The following ZNF148 variants were observed in gnomAD, a reference collection of about 807,000 sequenced individuals.
ZNF148 encodes Beta-Enolase Repressor Factor-1.
In ZNF148, 7 loss-of-function variants were observed where a neutral mutation model predicts 67.7. That is an observed-to-expected ratio of 0.10 (90% CI 0.06 to 0.19). ZNF148 has a LOEUF of 0.19. ZNF148 is among the 10% of genes least tolerant of loss of function. The pLI, the probability that ZNF148 is intolerant of heterozygous loss-of-function variation, is 1.00. For synonymous variants in ZNF148, 333 were observed against 330.7 expected (o/e 1.01, Z -0.08); for missense variants, 583 against 947.1 (o/e 0.62, Z 5.05).
intron 1 of ZNF148, among the ~76,000 whole-genome samples, chr3:125,367,888 C>A (rs1444229395): frequency 6.6e-6 from 1 of 152,150 alleles, no homozygotes; most frequent in African/African-American, 2.4e-5. Flanking sequence ...TTTCAGGGGG[C>A]TCAACATCTA....
At chr3:125,252,013 T>C (rs1176561967) in intron 7 of ZNF148, among the ~76,000 whole-genome samples, 1 of 152,190 alleles carries the variant, frequency 6.6e-6, no homozygotes, top group Non-Finnish European at 1.5e-5. Flanking sequence ...GAGTACAGTT[T>C]TATGTAATTT....
chr3:125,314,896 A>G (rs1940409551), intron 3 of ZNF148: 1 of 152,122 alleles, frequency 6.6e-6, no homozygotes, highest in South Asian at 2.1e-4. Context: ...CATCTCTACA[A>G]AATAAAAATA....
chr3:125,300,959 G>GT (rs5852454), intron 4 of ZNF148, among the ~76,000 whole-genome samples: 120,003 of 151,986 alleles, frequency 0.79, 48,190 homozygotes, highest in African/African-American at 0.92. Flanking sequence ...AAGCCAAATA[G>GT]TTTTTTTAAT....
At chr3:125,256,977 T>G (rs1380521143) in intron 7 of ZNF148, among the ~76,000 whole-genome samples, 22 of 151,268 alleles carry the variant, frequency 1.5e-4, no homozygotes, top group African/African-American at 5.1e-4. Context: ...GTTTTTTTTT[T>G]TTTTTTTTTT....
At chr3:125,322,156 A>C (rs1301505485) in intron 3 of ZNF148, among the ~76,000 whole-genome samples, 1 of 149,332 alleles carries the variant, frequency 6.7e-6, no homozygotes, top group Non-Finnish European at 1.5e-5. Context: ...CAGCCTCCCG[A>C]GTAGCCGGGA....
chr3:125,336,010 C>T (rs138781097), intron 1 of ZNF148, among the ~76,000 whole-genome samples: 4 of 152,242 alleles, frequency 2.6e-5, no homozygotes, highest in African/African-American at 7.2e-5. Flanking sequence ...TAAATAAAAC[C>T]TTAATGTTAC....
intron 6 of ZNF148, among the ~76,000 whole-genome samples, chr3:125,278,559 T>A (rs1001023795): frequency 6.6e-6 from 1 of 152,140 alleles, no homozygotes; most frequent in African/African-American, 2.4e-5. Context: ...TCTATCCTCC[T>A]AGGGCACTGG....
chr3:125,365,508 A>G (rs1171571976), intron 1 of ZNF148, among the ~76,000 whole-genome samples: 1 of 152,184 alleles, frequency 6.6e-6, no homozygotes, highest in African/African-American at 2.4e-5. Context: ...TGCCATTTGA[A>G]TATTTCTACA....
chr3:125,247,604 A>AT (rs1936659091), intron 7 of ZNF148, among the ~76,000 whole-genome samples: 1 of 151,886 alleles, frequency 6.6e-6, no homozygotes, highest in Non-Finnish European at 1.5e-5. Flanking sequence ...GGCCAGGCTA[A>AT]TTTTTTTGTA....
chr3:125,280,511 G>A (rs1288134145), intron 5 of ZNF148, among the ~76,000 whole-genome samples: 3 of 151,536 alleles, frequency 2.0e-5, no homozygotes, highest in East Asian at 1.9e-4. Context: ...AGGAAACCCC[G>A]TCTCCACTAA....
At chr3:125,344,292 GC>G in intron 1 of ZNF148, 1 of 443,956 alleles carries the variant, frequency 2.3e-6, no homozygotes. Flanking sequence ...ATGAAGTGAA[GC>G]CCCCATGACC....
intron 7 of ZNF148, among the ~76,000 whole-genome samples, chr3:125,266,211 C>T (rs965550752): frequency 2.0e-5 from 3 of 152,050 alleles, no homozygotes; most frequent in Non-Finnish European, 2.9e-5. Context: ...ATTTCTCACT[C>T]GACCAACTGG....
chr3:125,355,930 C>G (rs1942326074), intron 1 of ZNF148, among the ~76,000 whole-genome samples: 2 of 152,130 alleles, frequency 1.3e-5, no homozygotes, highest in Non-Finnish European at 1.5e-5. Flanking sequence ...ACGTTTTCAA[C>G]AGAGATTAAT....
At chr3:125,242,629 TCAAAAA>T (rs1340888415) in intron 7 of ZNF148, among the ~76,000 whole-genome samples, 1 of 152,074 alleles carries the variant, frequency 6.6e-6, no homozygotes, top group Non-Finnish European at 1.5e-5. Flanking sequence ...GACTCTTGTC[TCAAAAA>T]CAAAAACAAA....
chr3:125,312,489 C>A (rs71325828), intron 4 of ZNF148, among the ~76,000 whole-genome samples: 1 of 152,130 alleles, frequency 6.6e-6, no homozygotes, highest in African/African-American at 2.4e-5. Flanking sequence ...AGAGAAGCAT[C>A]GTACAAGTAA....
At chr3:125,263,322 G>A (rs1050499697) in intron 7 of ZNF148, among the ~76,000 whole-genome samples, 6 of 152,172 alleles carry the variant, frequency 3.9e-5, no homozygotes, top group South Asian at 2.1e-4. Flanking sequence ...AAGCCAAGAC[G>A]GGTGGGTCAT....
chr3:125,319,816 T>C (rs1365665729), intron 3 of ZNF148, among the ~76,000 whole-genome samples: 2 of 152,212 alleles, frequency 1.3e-5, no homozygotes, highest in Non-Finnish European at 2.9e-5. Context: ...AAACCAGACT[T>C]ACCTGACTCA....
intron 1 of ZNF148, chr3:125,344,869 G>A (rs995959752): frequency 6.8e-5 from 18 of 263,082 alleles, no homozygotes; most frequent in Non-Finnish European, 2.9e-5. Context: ...AAGTGGGGCA[G>A]TGGCCTGGAT....
At position 125,317,662 on chromosome 3, in the gene ZNF148, T is replaced by TAGAGAGAGAGAG. The variant is rs1553708261; in HGVS notation, c.-16-4018_-16-4007dup. On this transcript the variant is annotated intron_variant, in intron 3 of 8. Coordinates refer to ENST00000360647, the MANE Select transcript of ZNF148 (RefSeq NM_021964.3). ...GATCTTTTATATATATATATATATA[T>TAGAGAGAGAGAG]AGAGAGAGAGAGAGAGAAATACATA... Among the ~76,000 whole-genome samples the TAGAGAGAGAGAG allele has an allele frequency of 2.1e-3, 188 of 90,042 alleles. 2 individuals carry two copies. Among genetic ancestry groups the TAGAGAGAGAGAG allele is most frequent in the African/African-American group, 7.4e-3 (163 of 22,168 alleles). 59.1% of individuals were successfully genotyped at this position (90,042 alleles called of 152,430 possible). A position where few individuals can be genotyped will look rare whatever the true frequency, so the allele number is the denominator to read the frequency against.
Sources: allele counts gnomAD v4.1 joint callset (sites outside exome capture counted in the v4.1 genomes callset), GRCh38; gene constraint gnomAD v4.1.1; transcripts MANE v1.5; gene names NCBI Gene and HGNC (gene_info 2026-07-23, HGNC 2026-07-21).